Variants in MINAR1 observed in about 807,000 individuals in gnomAD.
MINAR1 encodes the protein major intrinsically disordered Notch2-binding receptor 1.
In MINAR1, 40 loss-of-function variants were observed where a neutral mutation model predicts 65.1. The observed-to-expected ratio is 0.61, with a 90% CI of 0.48 to 0.80. The LOEUF is 0.80. Among genes scored for constraint, MINAR1 ranks in the 30% least tolerant of loss-of-function variants. The probability of loss-of-function intolerance (pLI) is 0.00; values close to 1 mark genes in which losing one functional copy is unlikely to be tolerated. For missense variants in MINAR1, 1,128 were observed against 1,148.0 expected (o/e 0.98, Z 0.25); for synonymous variants, 482 against 449.1 (o/e 1.07, Z -0.93).
intron 1 of MINAR1, 44 bp from the exon 2 acceptor site, chr15:79,456,054 A>G: frequency 3.9e-6 from 5 of 1,289,326 alleles, no homozygotes; most frequent in Non-Finnish European, 5.4e-6. Context: ...ACTGGTGTTT[A>G]TAATCCTCTT....
rs1163300166 is a variant in MINAR1, at chr15:79,456,793, T to G, written c.646T>G (p.Phe216Val). ...GCCCTGTGAGATGCAGAGGACCTAC[T>G]TCCCCATGAACATCGAAAACGAGTC... is the stretch of plus-strand genomic sequence containing the variant. ...PQPCEMQRTY[F>V]PMNIENESIS... The change falls in exon 2 of 4, where the codon TTC becomes GTC. Residue 216 changes from phenylalanine (F) to valine (V), a missense_variant. Physicochemically the swap from Phe to Val is conservative, Grantham distance 50. Transcript: ENST00000305428. The G allele has an allele frequency of 2.5e-6, 4 of 1,614,198 alleles. No homozygotes were observed. The highest frequency in any genetic ancestry group is 3.3e-5 in the Admixed American group (2 of 60,020).
rs757097711 is a variant in MINAR1, at chr15:79,457,352, C to T, written c.1205C>T (p.Thr402Ile). The change falls in exon 2 of 4, where the codon ACC (threonine) becomes ATC (isoleucine). Residue 402 changes from threonine (T) to isoleucine (I), a missense_variant. Physicochemically the swap from Thr to Ile is moderately conservative, Grantham distance 89. Transcript: ENST00000305428. Reference protein sequence around the residue: ...KLHYPNASSQTPNFPAPERRP... With the variant: ...KLHYPNASSQIPNFPAPERRP... ...CACTATCCAAATGCCAGTAGCCAGA[C>T]CCCCAATTTCCCAGCCCCAGAAAGG... 19 of 1,614,160 alleles carry T rather than the reference C, an allele frequency of 1.2e-5. No individual in the cohort carries two copies. Among genetic ancestry groups the T allele is most frequent in the Non-Finnish European group, 1.4e-5 (17 of 1,180,044 alleles).
chr15:79,430,478 G>T (rs1022967350), upstream of MINAR1, among the ~76,000 whole-genome samples: 1 of 152,150 alleles, frequency 6.6e-6, no homozygotes. Context: ...CAAATAATCT[G>T]CCCCTGAACT....
intron 3 of MINAR1, chr15:79,463,795 T>C (rs904671590): frequency 1.3e-5 from 6 of 454,534 alleles, no homozygotes; most frequent in African/African-American, 8.0e-5. Flanking sequence ...GTGAATGCAG[T>C]TGTGGCTGGA....
chr15:79,463,035 A>C lies in MINAR1; in HGVS notation c.2299-32A>C, dbSNP rs778407250. The C allele has an allele frequency of 1.1e-5, 18 of 1,587,476 alleles. No homozygotes were observed. The South Asian group carries it at 2.0e-4, about 18-fold the overall frequency. On this transcript the variant is annotated intron_variant, in intron 2 of 3. Transcript: ENST00000305428. Reference sequence around the variant, plus strand: ...TGTGAAATCCAAGGGCAACTGTGCCACTTGTCTGGACTTCTTTGTGCCCCT... The same window carrying C: ...TGTGAAATCCAAGGGCAACTGTGCCCCTTGTCTGGACTTCTTTGTGCCCCT...
At chr15:79,421,179 A>AT in the MINAR1 span, 2 of 152,236 alleles carry the variant, frequency 1.3e-5, no homozygotes, top group African/African-American at 4.8e-5. Context: ...ATAAGCCAGC[A>AT]TTGTTTATTA....
At chr15:79,452,128 GGT>G (rs1323591497) in intron 1 of MINAR1, among the ~76,000 whole-genome samples, 5 of 152,114 alleles carry the variant, frequency 3.3e-5, no homozygotes, top group Admixed American at 6.5e-5. Context: ...TGTACACATG[GGT>G]GTGTGGAAGT....
rs772209843 is a variant in MINAR1, at chr15:79,456,993, G to T, written c.846G>T (p.Glu282Asp). 1 of 1,614,160 alleles carries T rather than the reference G, an allele frequency of 6.2e-7. No individual in the cohort carries two copies. Among genetic ancestry groups the T allele is most frequent in the Admixed American group, 1.7e-5 (1 of 60,024 alleles). ...TGGTTGGCCCCATCAGCAAAGCAGA[G>T]AATGAGCACAGGGAACCCCAGAGTC... ...PSLVGPISKA[E>D]NEHREPQSRK... The change falls in exon 2 of 4, where the codon GAG becomes GAT. Residue 282 changes from glutamate (E) to aspartate (D), a missense_variant. Physicochemically the swap from Glu to Asp is conservative, Grantham distance 45 (BLOSUM62 2). Coordinates refer to ENST00000305428, the MANE Select transcript of MINAR1 (RefSeq NM_015206.3).
intron 1 of MINAR1, among the ~76,000 whole-genome samples, chr15:79,436,843 C>A (rs1894613368): frequency 6.6e-6 from 1 of 152,194 alleles, no homozygotes; most frequent in Non-Finnish European, 1.5e-5. Flanking sequence ...CCTGTGAGAA[C>A]TTCATACTGC....
intron 1 of MINAR1, among the ~76,000 whole-genome samples, chr15:79,441,073 T>C (rs1347686310): frequency 6.6e-6 from 1 of 152,238 alleles, no homozygotes; most frequent in African/African-American, 2.4e-5. Flanking sequence ...GGAATTGATA[T>C]CTTCCTTTTA....
At chr15:79,442,571 A>G (rs1403946358) in intron 1 of MINAR1, among the ~76,000 whole-genome samples, 7 of 146,840 alleles carry the variant, frequency 4.8e-5, no homozygotes, top group African/African-American at 1.8e-4. Context: ...TTTAACATGC[A>G]TGGCCTTGCC....
chr15:79,453,064 C>T (rs1895288783), intron 1 of MINAR1, among the ~76,000 whole-genome samples: 1 of 149,638 alleles, frequency 6.7e-6, no homozygotes, highest in Non-Finnish European at 1.5e-5. Context: ...CTTGCTCTGA[C>T]CAGATCCGGC....
At chr15:79,447,267 CT>C (rs1418019215) in intron 1 of MINAR1, among the ~76,000 whole-genome samples, 1 of 152,120 alleles carries the variant, frequency 6.6e-6, no homozygotes, top group African/African-American at 2.4e-5. Flanking sequence ...AGTTCATAGA[CT>C]TTCTCTTTAT....
In MINAR1 at chr15:79,468,462, C is replaced by A; in HGVS notation, c.*78C>A. The A allele has an allele frequency of 7.7e-7, 1 of 1,297,774 alleles. No homozygotes were observed. Among genetic ancestry groups the A allele is most frequent in the Non-Finnish European group, 1.1e-6 (1 of 934,852 alleles). 80.4% of individuals were successfully genotyped at this position (1,297,774 alleles called of 1,614,324 possible). On this transcript the variant is annotated 3_prime_UTR_variant, in exon 4 of 4. Transcript: ENST00000305428. ...ATCTTAGAATCTTGCAGCAGTGAGG[C>A]AACAATTTGTTGAAATGGAGATGAA... is the stretch of plus-strand genomic sequence containing the variant.
chr15:79,439,224 GGT>G (rs1894777422), intron 1 of MINAR1, among the ~76,000 whole-genome samples: 1 of 63,124 alleles, frequency 1.6e-5, no homozygotes, highest in South Asian at 6.9e-4. Flanking sequence ...GTGGGGTGTG[GGT>G]GTGTGTAGGT....
intron 1 of MINAR1, among the ~76,000 whole-genome samples, chr15:79,436,122 G>A (rs1310785581): frequency 6.6e-6 from 1 of 152,234 alleles, no homozygotes; most frequent in Non-Finnish European, 1.5e-5. Context: ...ATGATGTGGA[G>A]CAGAGCTTCT....
At chr15:79,454,237 A>C (rs1895336850) in intron 1 of MINAR1, among the ~76,000 whole-genome samples, 1 of 152,202 alleles carries the variant, frequency 6.6e-6, no homozygotes, top group South Asian at 2.1e-4. Flanking sequence ...CTTGCAAGAA[A>C]ATGCAAACCA....
At chr15:79,466,086 C>T (rs1895841980) in intron 3 of MINAR1, among the ~76,000 whole-genome samples, 1 of 151,438 alleles carries the variant, frequency 6.6e-6, no homozygotes, top group African/African-American at 2.5e-5. Context: ...GGACAGAGCA[C>T]TCTGCACAAT....
intron 3 of MINAR1, among the ~76,000 whole-genome samples, chr15:79,463,939 C>T (rs1281613965): frequency 6.6e-6 from 1 of 152,212 alleles, no homozygotes; most frequent in Non-Finnish European, 1.5e-5. Context: ...AAAGGAAGCA[C>T]CCTGTCCCCC....
Sources: gnomAD v4.1 joint callset for allele counts (sites outside exome capture counted in the v4.1 genomes callset) on GRCh38, gnomAD v4.1.1 for gene constraint, MANE v1.5 for transcripts, NCBI Gene and HGNC (gene_info 2026-07-23, HGNC 2026-07-21) for gene names.